The following OR1J2 variants were observed in gnomAD, a reference collection of about 807,000 sequenced individuals.
The protein encoded by OR1J2 is olfactory receptor 1J2.
For synonymous variants in OR1J2, 142 were observed against 99.7 expected (o/e 1.42, Z -2.52); for missense variants, 304 against 246.1 (o/e 1.24, Z -1.57).
At chr9:122,466,833 C>T in the OR1J2 span, among the ~76,000 whole-genome samples, 1 of 150,464 alleles carries the variant, frequency 6.6e-6, no homozygotes, top group Non-Finnish European at 1.5e-5. Context: ...TTTTTTTTGG[C>T]GGGGGACAGA....
chr9:122,544,415 C>CTTT, the OR1J2 span, among the ~76,000 whole-genome samples: 33 of 85,348 alleles, frequency 3.9e-4, no homozygotes, highest in Admixed American at 5.9e-4. Flanking sequence ...CCTCTTTTTT[C>CTTT]TTTTTTTTTT....
the OR1J2 span, chr9:122,519,458 T>C: frequency 1.9e-6 from 3 of 1,614,176 alleles, no homozygotes; most frequent in South Asian, 3.3e-5. Flanking sequence ...TTTTCATATT[T>C]TTCACTGATC....
At chr9:122,558,290 G>A in the OR1J2 span, among the ~76,000 whole-genome samples, 40,664 of 114,458 alleles carry the variant, frequency 0.36, 7,264 homozygotes, top group East Asian at 0.82. Context: ...GGGAAGCTTA[G>A]ATTATTTATT....
chr9:122,543,881 A>G, the OR1J2 span, among the ~76,000 whole-genome samples: 1 of 152,248 alleles, frequency 6.6e-6, no homozygotes, highest in Non-Finnish European at 1.5e-5. Flanking sequence ...GAAAGTGAGT[A>G]AAATAAATGC....
chr9:122,483,274 G>T, the OR1J2 span, among the ~76,000 whole-genome samples: 1 of 151,988 alleles, frequency 6.6e-6, no homozygotes, highest in African/African-American at 2.4e-5. Context: ...GTAAAAAATT[G>T]CTCACAATTC....
chr9:122,569,601 C>T, the OR1J2 span, among the ~76,000 whole-genome samples: 1 of 80,530 alleles, frequency 1.2e-5, no homozygotes, highest in Non-Finnish European at 2.4e-5. Context: ...ACATTTTTGG[C>T]TACCATAAAA....
chr9:122,543,675 A>C, the OR1J2 span, among the ~76,000 whole-genome samples: 1 of 152,230 alleles, frequency 6.6e-6, no homozygotes, highest in African/African-American at 2.4e-5. Flanking sequence ...GGCCTAGGCT[A>C]CAGGGAGAGG....
At chr9:122,478,582 A>G in the OR1J2 span, among the ~76,000 whole-genome samples, 1 of 152,326 alleles carries the variant, frequency 6.6e-6, no homozygotes, top group Non-Finnish European at 1.5e-5. Flanking sequence ...TCCAAAAGAC[A>G]ACAAAACAAG....
the OR1J2 span, among the ~76,000 whole-genome samples, chr9:122,494,932 T>G: frequency 2.0e-5 from 3 of 152,208 alleles, no homozygotes; most frequent in African/African-American, 7.2e-5. Flanking sequence ...GTATCTTTCT[T>G]TCATTTATGA....
chr9:122,449,193 G>A, the OR1J2 span, among the ~76,000 whole-genome samples: 1 of 152,002 alleles, frequency 6.6e-6, no homozygotes, highest in Admixed American at 6.6e-5. Context: ...ACAGCACCGT[G>A]GAGGCCTTGC....
chr9:122,575,478 T>C, the OR1J2 span, among the ~76,000 whole-genome samples: 1 of 152,154 alleles, frequency 6.6e-6, no homozygotes, highest in Non-Finnish European at 1.5e-5. Flanking sequence ...ATCAAATTTG[T>C]GGGTACAGAG....
chr9:122,575,709 A>G, the OR1J2 span, among the ~76,000 whole-genome samples: 1 of 152,212 alleles, frequency 6.6e-6, no homozygotes, highest in African/African-American at 2.4e-5. Flanking sequence ...GGTTATTATT[A>G]TGAAGCAGAT....
At chr9:122,548,293 A>T in the OR1J2 span, among the ~76,000 whole-genome samples, 9 of 152,328 alleles carry the variant, frequency 5.9e-5, no homozygotes, top group Admixed American at 5.9e-4. Flanking sequence ...GACTAGAAAG[A>T]TAAGGATTAG....
chr9:122,564,622 A>G, the OR1J2 span, among the ~76,000 whole-genome samples: 9 of 152,334 alleles, frequency 5.9e-5, no homozygotes, highest in African/African-American at 2.2e-4. Context: ...CTGGAGAATG[A>G]CAGTGGATTA....
the OR1J2 span, among the ~76,000 whole-genome samples, chr9:122,517,153 T>G: frequency 3.9e-5 from 6 of 152,330 alleles, no homozygotes; most frequent in East Asian, 1.2e-3. Context: ...ACTGGATCAC[T>G]TCTCCAGAAC....
At chr9:122,483,075 T>C in the OR1J2 span, among the ~76,000 whole-genome samples, 2 of 152,202 alleles carry the variant, frequency 1.3e-5, no homozygotes, top group South Asian at 4.1e-4. Flanking sequence ...TTATACAATG[T>C]ATATATGTAT....
chr9:122,505,237 C>CT, the OR1J2 span, among the ~76,000 whole-genome samples: 1 of 152,134 alleles, frequency 6.6e-6, no homozygotes. Context: ...ATTCTGGAGA[C>CT]TAAGTCTAAG....
the OR1J2 span, among the ~76,000 whole-genome samples, chr9:122,548,946 T>C: frequency 1.3e-5 from 2 of 152,124 alleles, no homozygotes; most frequent in Non-Finnish European, 2.9e-5. Context: ...ATTATTTCTT[T>C]TGCTGTGCAG....
At chr9:122,527,692 A>C in the OR1J2 span, among the ~76,000 whole-genome samples, 1 of 152,080 alleles carries the variant, frequency 6.6e-6, no homozygotes, top group African/African-American at 2.4e-5. Context: ...ATTTTGACAC[A>C]TCCTCATTCA....
Sources: allele counts gnomAD v4.1 joint callset (sites outside exome capture counted in the v4.1 genomes callset), GRCh38; gene constraint gnomAD v4.1.1; transcripts MANE v1.5; gene names NCBI Gene and HGNC (gene_info 2026-07-23, HGNC 2026-07-21).